Variants in KHDRBS2 observed in about 807,000 individuals in gnomAD.
The protein encoded by KHDRBS2 is KH RNA binding domain containing, signal transduction associated 2, also known as KH domain-containing, RNA-binding, signal transduction-associated protein 2.
A neutral mutation model predicts 44.3 loss-of-function variants in KHDRBS2; 26 were observed. That is an observed-to-expected ratio of 0.59 (90% CI 0.43 to 0.81). KHDRBS2 has a LOEUF of 0.81. Ranked by LOEUF, KHDRBS2 falls within the 40% of genes least tolerant of loss-of-function variation. The pLI is 0.00. For missense variants in KHDRBS2, 476 were observed against 433.1 expected (o/e 1.10, Z -0.88); for synonymous variants, 194 against 151.1 (o/e 1.28, Z -2.08).
chr6:62,021,097 G>A (rs1782203774), intron 3 of KHDRBS2, among the ~76,000 whole-genome samples: 1 of 152,000 alleles, frequency 6.6e-6, no homozygotes, highest in Admixed American at 6.6e-5. Context: ...GATGGAGCTG[G>A]AGGCCATTAT....
chr6:61,893,504 G>A (rs1802370315), intron 6 of KHDRBS2, among the ~76,000 whole-genome samples: 1 of 152,256 alleles, frequency 6.6e-6, no homozygotes, highest in African/African-American at 2.4e-5. Flanking sequence ...CAACCCAAAT[G>A]TCCAACAATG....
At chr6:62,226,981 T>C (rs1213705044) in intron 1 of KHDRBS2, among the ~76,000 whole-genome samples, 1 of 152,196 alleles carries the variant, frequency 6.6e-6, no homozygotes, top group Admixed American at 6.5e-5. Context: ...TTGTTCTTTT[T>C]GCTAGGATTA....
the KHDRBS2 span, among the ~76,000 whole-genome samples, chr6:61,573,617 C>A: frequency 1.3e-5 from 2 of 152,090 alleles, no homozygotes; most frequent in Admixed American, 1.3e-4. Flanking sequence ...TGGAGAAACC[C>A]TGTCTCTACT....
chr6:61,835,069 T>G (rs1048525717), intron 6 of KHDRBS2, among the ~76,000 whole-genome samples: 1 of 152,040 alleles, frequency 6.6e-6, no homozygotes, highest in Non-Finnish European at 1.5e-5. Flanking sequence ...TTATCACAGA[T>G]TTTACTTTCA....
intron 2 of KHDRBS2, among the ~76,000 whole-genome samples, chr6:62,056,083 C>A (rs1790222030): frequency 6.6e-6 from 1 of 151,952 alleles, no homozygotes; most frequent in African/African-American, 2.4e-5. Context: ...TTCCTGAAGA[C>A]CTTTCCTTCA....
chr6:61,897,163 G>T (rs1803071875), intron 5 of KHDRBS2, among the ~76,000 whole-genome samples: 4 of 152,206 alleles, frequency 2.6e-5, no homozygotes, highest in South Asian at 4.1e-4. Context: ...GCATGTTAAA[G>T]TTACTTGAGG....
At chr6:61,937,446 G>A (rs1361894127) in intron 4 of KHDRBS2, among the ~76,000 whole-genome samples, 1 of 151,898 alleles carries the variant, frequency 6.6e-6, no homozygotes, top group Non-Finnish European at 1.5e-5. Flanking sequence ...ACGTCACTAG[G>A]CTTCCTATTT....
intron 6 of KHDRBS2, among the ~76,000 whole-genome samples, chr6:61,783,244 C>T (rs867434482): frequency 1.3e-5 from 2 of 152,206 alleles, no homozygotes; most frequent in Admixed American, 6.6e-5. Context: ...CCTATACATT[C>T]TCACAGACCG....
intron 6 of KHDRBS2, among the ~76,000 whole-genome samples, chr6:61,804,230 A>T (rs1408533414): frequency 6.6e-6 from 1 of 152,182 alleles, no homozygotes; most frequent in Non-Finnish European, 1.5e-5. Flanking sequence ...AAATCCAACA[A>T]GGCAGTAATT....
chr6:61,801,339 A>G (rs1355067355), intron 6 of KHDRBS2, among the ~76,000 whole-genome samples: 1 of 152,176 alleles, frequency 6.6e-6, no homozygotes, highest in African/African-American at 2.4e-5. Flanking sequence ...AAATGGTGCT[A>G]AAAGCATACA....
Position 62,130,061 on chromosome 6 carries a change from T to A in KHDRBS2, c.219+47124A>T, listed in dbSNP as rs1480016192. On this transcript the variant is annotated intron_variant, in intron 2 of 8. Transcript: ENST00000281156. ...TAAAAACTAGCTTAATTGCTTATGG[T>A]TATCATTTTTAATTCCAAAATGCTC... is the stretch of plus-strand genomic sequence containing the variant. 3.9e-5 allele frequency among the ~76,000 whole-genome samples: 6 copies of A among 152,206 alleles called. No individual in the cohort carries two copies. In the South Asian group the frequency reaches 1.2e-3, roughly 31 times the overall value.
At chr6:62,247,056 G>A (rs1440146160) in intron 1 of KHDRBS2, among the ~76,000 whole-genome samples, 1 of 151,986 alleles carries the variant, frequency 6.6e-6, no homozygotes, top group Non-Finnish European at 1.5e-5. Flanking sequence ...GGAGAGAAGG[G>A]AAGCAGATTT....
At chr6:62,072,888 A>G (rs1168418919) in intron 2 of KHDRBS2, among the ~76,000 whole-genome samples, 1 of 151,878 alleles carries the variant, frequency 6.6e-6, no homozygotes, top group African/African-American at 2.4e-5. Flanking sequence ...CTCTTTTTTT[A>G]TTGATTGGAA....
chr6:61,973,163 A>G (rs1250615928), intron 4 of KHDRBS2, among the ~76,000 whole-genome samples: 3 of 152,124 alleles, frequency 2.0e-5, no homozygotes, highest in Non-Finnish European at 4.4e-5. Flanking sequence ...AGACTGATCA[A>G]ATTTTCACTT....
chr6:61,625,978 A>G, the KHDRBS2 span, among the ~76,000 whole-genome samples: 1 of 152,248 alleles, frequency 6.6e-6, no homozygotes, highest in Non-Finnish European at 1.5e-5. Flanking sequence ...AAATGGATAT[A>G]ATATTGCATT....
At chr6:61,610,786 C>T in the KHDRBS2 span, among the ~76,000 whole-genome samples, 1 of 152,282 alleles carries the variant, frequency 6.6e-6, no homozygotes, top group Admixed American at 6.5e-5. Flanking sequence ...TAGCTACAAC[C>T]CTTATTCAAG....
At chr6:61,667,318 A>G in the KHDRBS2 span, among the ~76,000 whole-genome samples, 1 of 151,114 alleles carries the variant, frequency 6.6e-6, no homozygotes, top group Non-Finnish European at 1.5e-5. Context: ...CATAAATTAG[A>G]ATGTTTCCAT....
At chr6:62,254,271 C>T (rs1467873432) in intron 1 of KHDRBS2, among the ~76,000 whole-genome samples, 3 of 152,018 alleles carry the variant, frequency 2.0e-5, no homozygotes, top group Admixed American at 6.6e-5. Flanking sequence ...CATTTGTAAC[C>T]TTGCTAAACT....
intron 1 of KHDRBS2, among the ~76,000 whole-genome samples, chr6:62,203,178 A>T (rs1827322470): frequency 6.6e-6 from 1 of 152,072 alleles, no homozygotes; most frequent in South Asian, 2.1e-4. Flanking sequence ...TAATTTTAGG[A>T]TGTGGTAAGG....
Sources: gnomAD v4.1 joint callset for allele counts (sites outside exome capture counted in the v4.1 genomes callset) on GRCh38, gnomAD v4.1.1 for gene constraint, MANE v1.5 for transcripts, NCBI Gene and HGNC (gene_info 2026-07-23, HGNC 2026-07-21) for gene names.